PNKD: variants seen among roughly 807,000 people sequenced by gnomAD.
The protein encoded by PNKD is probable thioesterase PNKD.
In PNKD, 36 loss-of-function variants were observed where a neutral mutation model predicts 45.3. That is an observed-to-expected ratio of 0.80 (90% CI 0.61 to 1.05). The LOEUF is 1.05. PNKD is among the 50% of genes least tolerant of loss of function. The probability of loss-of-function intolerance (pLI) is 0.00; values close to 1 mark genes in which losing one functional copy is unlikely to be tolerated. For synonymous variants in PNKD, 197 were observed against 210.1 expected, an observed-to-expected ratio of 0.94 and a Z score of 0.54; for missense variants, 511 against 506.6, an observed-to-expected ratio of 1.01 and a Z score of -0.08.
intron 7 of PNKD, among the ~76,000 whole-genome samples, chr2:218,342,426 G>A (rs1694707253): frequency 2.0e-5 from 3 of 152,210 alleles, no homozygotes; most frequent in South Asian, 2.1e-4. Context: ...TAGGCCAGGC[G>A]TGGTGGCTCA....
At chr2:218,297,061 G>A (rs1401083815) in intron 2 of PNKD, among the ~76,000 whole-genome samples, 1 of 152,184 alleles carries the variant, frequency 6.6e-6, no homozygotes, top group African/African-American at 2.4e-5. Context: ...TCTCCCCACT[G>A]GAGGGCAGAG....
intron 2 of PNKD, among the ~76,000 whole-genome samples, chr2:218,290,868 C>T (rs1692886903): frequency 6.6e-6 from 1 of 152,210 alleles, no homozygotes. Context: ...CAGAATAGGT[C>T]CAGAAGGCCC....
intron 2 of PNKD, chr2:218,323,231 C>G (rs1240321665): frequency 3.4e-6 from 5 of 1,453,244 alleles, no homozygotes; most frequent in Non-Finnish European, 4.5e-6. Flanking sequence ...CCTAGCAACG[C>G]CGAGCCCCGC....
intron 2 of PNKD, among the ~76,000 whole-genome samples, chr2:218,315,299 G>A (rs1237746130): frequency 6.6e-6 from 1 of 151,466 alleles, no homozygotes; most frequent in Non-Finnish European, 1.5e-5. Flanking sequence ...GCGCCACCAC[G>A]CCCAGCTAAT....
intron 2 of PNKD, among the ~76,000 whole-genome samples, chr2:218,305,643 C>G (rs1693385380): frequency 1.3e-5 from 2 of 152,052 alleles, no homozygotes; most frequent in African/African-American, 4.8e-5. Context: ...CATGCATGAG[C>G]CACCACCCCC....
chr2:218,287,203 T>C (rs13031757), intron 2 of PNKD: 53,436 of 151,928 alleles, frequency 0.35, 9,827 homozygotes, highest in Middle Eastern at 0.5. Flanking sequence ...ACTTTGGATC[T>C]CACCTGGTCA....
chr2:218,344,991 C>T lies in PNKD; in HGVS notation c.*10C>T, dbSNP rs1257864085. On this transcript the variant is annotated 3_prime_UTR_variant, in exon 10 of 10. Coordinates refer to ENST00000273077, the MANE Select transcript of PNKD (RefSeq NM_015488.5). Reference sequence around the variant, plus strand: ...GCACAAGAGCAAGTGATGCCCCCAGCGCCCCCAGCCCAGCCCACTCCCCGC... The same window carrying T: ...GCACAAGAGCAAGTGATGCCCCCAGTGCCCCCAGCCCAGCCCACTCCCCGC... The T allele has an allele frequency of 3.7e-6, 6 of 1,606,694 alleles. No individual in the cohort carries two copies. The highest frequency in any genetic ancestry group is 3.3e-5 in the South Asian group (3 of 90,660).
Position 218,279,339 on chromosome 2 carries a change from G to A in PNKD, c.236+7790G>A, listed in dbSNP as rs146260256. 4.9e-5 allele frequency: 77 copies of A among 1,585,624 alleles called. No individual in the cohort carries two copies. In the African/African-American group the frequency reaches 8.8e-4, roughly 18 times the overall value. On this transcript the variant is annotated intron_variant, in intron 2 of 9. Transcript: ENST00000273077. ...CCACAGTGATGAGCAGCTGCACGGA[G>A]ATGATGGAGTAAACCTGGACACAGA...
rs58599893 is a variant in PNKD at position 218,341,341 on chromosome 2, G to A, written c.525-193G>A. On this transcript the variant is annotated intron_variant, in intron 5 of 9. Transcript: ENST00000273077. ...GGTTCAGGAAGCTCGGCTGGCATTG[G>A]CCAGCTTGAGTTGTTGGGGGCGATG... Among the ~76,000 whole-genome samples the A allele has an allele frequency of 0.022, 3,306 of 152,302 alleles. 112 individuals carry two copies. Among genetic ancestry groups the A allele is most frequent in the African/African-American group, 0.074 (3,082 of 41,560 alleles).
intron 2 of PNKD, chr2:218,276,921 T>C: frequency 8.3e-7 from 1 of 1,200,400 alleles, no homozygotes; most frequent in Non-Finnish European, 1.2e-6. Context: ...CCCGGGGACC[T>C]TTGGGGCCTG....
In PNKD at chr2:218,270,522, G is replaced by A. The variant is rs1389457329; in HGVS notation, c.-14G>A. On this transcript the variant is annotated 5_prime_UTR_variant, in exon 1 of 10. Coordinates refer to ENST00000273077, the MANE Select transcript of PNKD (RefSeq NM_015488.5). Reference sequence around the variant, plus strand: ...CCGGCGGGGAGCGCGGTGAAGCGGGGGTGGGATCTGAACATGGCGGCGGTG... The same window carrying A: ...CCGGCGGGGAGCGCGGTGAAGCGGGAGTGGGATCTGAACATGGCGGCGGTG... 5 of 1,218,786 alleles carry A rather than the reference G, an allele frequency of 4.1e-6. No individual in the cohort carries two copies. Among genetic ancestry groups the A allele is most frequent in the Non-Finnish European group, 5.4e-6 (5 of 928,384 alleles). 75.5% of individuals were successfully genotyped at this position (1,218,786 alleles called of 1,614,324 possible).
intron 2 of PNKD, among the ~76,000 whole-genome samples, chr2:218,322,296 A>G (rs1260886422): frequency 6.6e-6 from 1 of 152,210 alleles, no homozygotes; most frequent in Non-Finnish European, 1.5e-5. Context: ...AAACAAGCCC[A>G]GCCCTGGCTC....
intron 2 of PNKD, among the ~76,000 whole-genome samples, chr2:218,302,702 T>C (rs1693301742): frequency 6.6e-6 from 1 of 152,168 alleles, no homozygotes; most frequent in African/African-American, 2.4e-5. Flanking sequence ...TCAAACTCTG[T>C]AAAATATTTG....
intron 5 of PNKD, among the ~76,000 whole-genome samples, chr2:218,341,265 C>T (rs542735015): frequency 6.6e-6 from 1 of 152,174 alleles, no homozygotes; most frequent in Non-Finnish European, 1.5e-5. Flanking sequence ...GGCCCAGGCA[C>T]GGTGTGATCA....
chr2:218,308,594 CTTT>C (rs869071882), intron 2 of PNKD, among the ~76,000 whole-genome samples: 1 of 146,604 alleles, frequency 6.8e-6, no homozygotes, highest in African/African-American at 2.5e-5. Flanking sequence ...TTCTTTCTTT[CTTT>C]TTTTTTTTTA....
chr2:218,277,451 A>G, intron 2 of PNKD: 1 of 1,614,118 alleles, frequency 6.2e-7, no homozygotes, highest in Non-Finnish European at 8.5e-7. Context: ...GGTTTGGTAC[A>G]TACTGGGGAG....
At position 218,340,270 on chromosome 2, in the gene PNKD, G is replaced by A. The variant is rs1041620812; in HGVS notation, c.465+129G>A. The A allele has an allele frequency of 5.3e-5, 36 of 683,812 alleles. No individual in the cohort carries two copies. The highest frequency in any genetic ancestry group is 1.0e-4 in the East Asian group (4 of 38,892). 42.4% of individuals were successfully genotyped at this position (683,812 alleles called of 1,614,324 possible). A position where few individuals can be genotyped will look rare whatever the true frequency, so the allele number is the denominator to read the frequency against. On this transcript the variant is annotated intron_variant, in intron 4 of 9. Transcript: ENST00000273077. This position sits in a 1 kb window ranked among gnomAD's most constrained non-coding sequence, Gnocchi z 4.2. ...TGTCCCATATGCTCCATGTTCACAC[G>A]TGCACATGCGCACACATAGCCTGGG...
At chr2:218,341,930 C>T (rs1266400669) in intron 6 of PNKD, 51 bp from the exon 7 acceptor site, 6 of 1,446,260 alleles carry the variant, frequency 4.1e-6, no homozygotes, top group Non-Finnish European at 5.8e-6. Flanking sequence ...GGACAGGGAT[C>T]AGCATGGCAC....
chr2:218,324,908 C>T (rs1032844458), intron 2 of PNKD, among the ~76,000 whole-genome samples: 4 of 150,726 alleles, frequency 2.7e-5, no homozygotes, highest in Non-Finnish European at 5.9e-5. Flanking sequence ...TGCACTCCAG[C>T]CTGGGCGACA....
Sources: allele counts gnomAD v4.1 joint callset (sites outside exome capture counted in the v4.1 genomes callset), GRCh38; gene constraint gnomAD v4.1.1; non-coding constraint Gnocchi (gnomAD v3.1); transcripts MANE v1.5; gene names NCBI Gene and HGNC (gene_info 2026-07-23, HGNC 2026-07-21).